Variants in BRWD1 observed in about 807,000 individuals in gnomAD.
BRWD1 encodes bromodomain and WD repeat domain containing 1, also known as bromodomain and WD repeat-containing protein 1.
Under a neutral mutation model 251.2 loss-of-function variants are expected in BRWD1, and 82 were observed. That is an observed-to-expected ratio of 0.33 (90% confidence interval 0.27 to 0.39). The LOEUF is 0.39. Among genes scored for constraint, BRWD1 ranks in the 10% least tolerant of loss-of-function variants. The pLI, the probability that BRWD1 is intolerant of heterozygous loss-of-function variation, is 1.00. For synonymous variants in BRWD1, 918 were observed against 902.8 expected (o/e 1.02, Z -0.30); for missense variants, 2,233 against 2,711.6 (o/e 0.82, Z 3.92).
At chr21:39,287,819 T>A (rs1321664424) in intron 8 of BRWD1, among the ~76,000 whole-genome samples, 1 of 152,232 alleles carries the variant, frequency 6.6e-6, no homozygotes, top group Non-Finnish European at 1.5e-5. Flanking sequence ...ACACTTGTGA[T>A]CACTGAATTT....
At chr21:39,313,887 C>A, upstream of BRWD1, 1 of 322,994 alleles carries the variant, frequency 3.1e-6, no homozygotes, top group Non-Finnish European at 5.9e-6. Flanking sequence ...AATGAGGCGG[C>A]TGCCCGGGCT....
intron 23 of BRWD1, 84 bp from the exon 24 acceptor site, chr21:39,232,582 C>G: frequency 6.7e-7 from 1 of 1,483,750 alleles, no homozygotes; most frequent in Non-Finnish European, 9.1e-7. Context: ...GAAACTTTCA[C>G]CATTCAGAAT....
chr21:39,312,841 CAACTCCTCGT>C lies in BRWD1; in HGVS notation c.188_197del (p.Tyr63TrpfsTer76). The stretch of plus-strand genomic sequence containing the variant: ...GGGAGCAAACGTGCCCAATGCTCAC[CAACTCCTCGT>C]AGCTCCTGTTGTGCTCGTTGCCCTC... On this transcript the variant is annotated frameshift_variant and splice_region_variant, in exon 4 of 41. Transcript: ENST00000342449. LOFTEE classifies it high-confidence loss of function. 6.3e-7 allele frequency: 1 copy of C among 1,587,576 alleles called. No individual in the cohort carries two copies. The highest frequency in any genetic ancestry group is 8.6e-7 in the Non-Finnish European group (1 of 1,167,900).
At chr21:39,246,197 T>C (rs1333766520) in intron 21 of BRWD1, among the ~76,000 whole-genome samples, 1 of 152,012 alleles carries the variant, frequency 6.6e-6, no homozygotes, top group Non-Finnish European at 1.5e-5. Context: ...TATAAAGAAT[T>C]CTTACAACAA....
At chr21:39,292,100 C>T (rs2035825034) in intron 8 of BRWD1, among the ~76,000 whole-genome samples, 1 of 106,596 alleles carries the variant, frequency 9.4e-6, no homozygotes, top group Admixed American at 1.5e-4. Flanking sequence ...TGCTACCTTG[C>T]CAAACTATTT....
At chr21:39,276,245 GATC>G in intron 11 of BRWD1, 32 bp from the exon 12 acceptor site, 1 of 1,563,532 alleles carries the variant, frequency 6.4e-7, no homozygotes, top group Non-Finnish European at 8.8e-7. Flanking sequence ...ATACAAAAAT[GATC>G]ATCTACATGG....
At position 39,312,579 on chromosome 21, in the gene BRWD1, C is replaced by A. The variant is rs2036525761; in HGVS notation, c.198+262G>T. On this transcript the variant is annotated intron_variant, in intron 4 of 40. Transcript: ENST00000342449. ...CCCGCAGAGGCGGCCGCACCTGGAG[C>A]CCCACCCCTGCCGCAGGACCTCCGC... The A allele has an allele frequency of 3.7e-5, 13 of 349,048 alleles. No individual in the cohort carries two copies. The South Asian group carries it at 4.5e-4, about 12-fold the overall frequency. The allele number at this position is 349,048 out of a possible 1,614,324, so 21.6% of individuals were successfully genotyped here. A position where few individuals can be genotyped will look rare whatever the true frequency, so the allele number is the denominator to read the frequency against.
chr21:39,203,435 G>GTTTTTTTTTTTTTT (rs2032214008), intron 37 of BRWD1, among the ~76,000 whole-genome samples: 1 of 139,402 alleles, frequency 7.2e-6, no homozygotes, highest in Non-Finnish European at 1.5e-5. Flanking sequence ...CAAGACCCTG[G>GTTTTTTTTTTTTTT]TTCTTTTTTT....
Position 39,186,848 on chromosome 21 carries a change from C to T in BRWD1, c.*9411G>A. ...GCAATTTATTTCCTCCTCAGAATTCCCCAGAGCACATGTCTGTACAAGAGC... is the reference window on the plus strand; with the variant it reads ...GCAATTTATTTCCTCCTCAGAATTCTCCAGAGCACATGTCTGTACAAGAGC... On this transcript the variant is annotated 3_prime_UTR_variant, in exon 41 of 41. Transcript: ENST00000342449. 1 of 1,059,710 alleles carries T rather than the reference C, an allele frequency of 9.4e-7. No homozygotes were observed. The highest frequency in any genetic ancestry group is 3.0e-5 in the East Asian group (1 of 32,976). 65.6% of individuals were successfully genotyped at this position (1,059,710 alleles called of 1,614,324 possible). A position where few individuals can be genotyped will look rare whatever the true frequency, so the allele number is the denominator to read the frequency against.
intron 4 of BRWD1, among the ~76,000 whole-genome samples, chr21:39,307,680 GCCAGATACT>G (rs2036333706): frequency 6.6e-6 from 1 of 152,110 alleles, no homozygotes; most frequent in East Asian, 1.9e-4. Flanking sequence ...TGGGTGCACT[GCCAGATACT>G]TTAAGTCTTA....
chr21:39,287,890 G>T (rs956323531), intron 8 of BRWD1, among the ~76,000 whole-genome samples: 1 of 152,146 alleles, frequency 6.6e-6, no homozygotes, highest in African/African-American at 2.4e-5. Flanking sequence ...CTTCAGAAGA[G>T]AATTATATAC....
intron 13 of BRWD1, among the ~76,000 whole-genome samples, chr21:39,272,078 AC>A (rs2035129155): frequency 6.6e-6 from 1 of 151,542 alleles, no homozygotes. Flanking sequence ...CAAAAAAAAA[AC>A]ACACAGAAGA....
Position 39,245,063 on chromosome 21 carries a change from T to C in BRWD1, c.2481+2638A>G, listed in dbSNP as rs2034137465. Among the ~76,000 whole-genome samples the C allele has an allele frequency of 2.7e-5, 4 of 150,936 alleles. 1 individual carries two copies. In the South Asian group the frequency reaches 8.4e-4, roughly 32 times the overall value. ...ACCCCATCTCAAAAAAAAAAGAATG[T>C]AAAAACATTCTCATTACATAATATA... On this transcript the variant is annotated intron_variant, in intron 21 of 40. Coordinates refer to ENST00000342449, the MANE Select transcript of BRWD1 (RefSeq NM_033656.4).
rs149774667 is a variant in BRWD1, at chr21:39,251,086, A to G, written c.2256-197T>C. Among the ~76,000 whole-genome samples, 144 of 152,298 alleles carry G rather than the reference A, an allele frequency of 9.5e-4. 1 individual carries two copies. The highest frequency in any genetic ancestry group is 3.4e-3 in the African/African-American group (140 of 41,588). On this transcript the variant is annotated intron_variant, in intron 19 of 40. Coordinates refer to ENST00000342449, the MANE Select transcript of BRWD1 (RefSeq NM_033656.4). ...TCAGAGGCAGTTAAACCTATTTTTC[A>G]TATCAGAGGCAAAAATATTCATTCG...
intron 36 of BRWD1, among the ~76,000 whole-genome samples, chr21:39,207,091 T>C (rs2032428664): frequency 6.6e-6 from 1 of 152,322 alleles, no homozygotes; most frequent in Non-Finnish European, 1.5e-5. Context: ...AAATTTGTTA[T>C]ACTTAATCTG....
chr21:39,212,782 A>T, intron 33 of BRWD1, 75 bp from the exon 34 acceptor site: 1 of 1,073,904 alleles, frequency 9.3e-7, no homozygotes, highest in South Asian at 1.4e-5. Context: ...AATAAATAAC[A>T]TATCAAAGAC....
rs1384398993 is a variant in BRWD1, at chr21:39,278,831, G to A, written c.933-18C>T. The A allele has an allele frequency of 1.3e-5, 20 of 1,560,154 alleles. No individual in the cohort carries two copies. The highest frequency in any genetic ancestry group is 1.6e-5 in the Non-Finnish European group (18 of 1,154,102). The stretch of plus-strand genomic sequence containing the variant: ...GACGTGGGCTTTAAAAGAAGAAGAT[G>A]CTGCTTTAAAATAGATTATTTTACC... On this transcript the variant is annotated intron_variant, in intron 9 of 40. Coordinates refer to ENST00000342449, the MANE Select transcript of BRWD1 (RefSeq NM_033656.4).
intron 12 of BRWD1, among the ~76,000 whole-genome samples, 164 bp from the exon 13 acceptor site, chr21:39,274,636 GA>G (rs1383428143): frequency 6.6e-6 from 1 of 151,996 alleles, no homozygotes; most frequent in African/African-American, 2.4e-5. Flanking sequence ...ATCTGGATGG[GA>G]AAAAAAATTT....
In BRWD1 at chr21:39,192,397, G is replaced by C; in HGVS notation, c.*3862C>G. 1.0e-6 allele frequency: 1 copy of C among 985,120 alleles called. No individual in the cohort carries two copies. The highest frequency in any genetic ancestry group is 1.2e-6 in the Non-Finnish European group (1 of 829,804). 61.0% of individuals were successfully genotyped at this position (985,120 alleles called of 1,614,324 possible). A position where few individuals can be genotyped will look rare whatever the true frequency, so the allele number is the denominator to read the frequency against. On this transcript the variant is annotated 3_prime_UTR_variant, in exon 41 of 41. Transcript: ENST00000342449. ...TATTCCTTCTCTTCCCAAATACTAG[G>C]ATAAGAGACAGTCTCAAACTGTTAA...
Sources: allele counts gnomAD v4.1 joint callset (sites outside exome capture counted in the v4.1 genomes callset), GRCh38; gene constraint gnomAD v4.1.1; transcripts MANE v1.5; gene names NCBI Gene and HGNC (gene_info 2026-07-23, HGNC 2026-07-21).